CHRNG: variants seen among roughly 807,000 people sequenced by gnomAD.
CHRNG encodes cholinergic receptor nicotinic gamma subunit, also known as acetylcholine receptor subunit gamma.
In CHRNG, 72 loss-of-function variants were observed where a neutral mutation model predicts 65.2. That is an observed-to-expected ratio of 1.10 (90% CI 0.91 to 1.34). The LOEUF (loss-of-function observed/expected upper bound fraction) is 1.34, where lower values mean the gene tolerates loss of function less well. Among genes scored for constraint, CHRNG ranks in the 40% most tolerant of loss-of-function variants. CHRNG has a pLI of 0.00. For synonymous variants in CHRNG, 284 were observed against 290.2 expected (o/e 0.98, Z 0.22); for missense variants, 637 against 680.1 (o/e 0.94, Z 0.70).
Position 232,543,642 on chromosome 2 carries a change from G to A in CHRNG, c.978G>A (p.Val326=). 6.2e-7 allele frequency: 1 copy of A among 1,613,960 alleles called. No individual in the cohort carries two copies. Among genetic ancestry groups the A allele is most frequent in the Non-Finnish European group, 8.5e-7 (1 of 1,179,900 alleles). Reference sequence around the variant, plus strand: ...TCATTGTCGTGAATGCTGTGGTTGTGCTCAATGTCTCCTTGCGGTCTCCAC... The same window carrying A: ...TCATTGTCGTGAATGCTGTGGTTGTACTCAATGTCTCCTTGCGGTCTCCAC... ...TILIVVNAVV[V]LNVSLRSPHT... The change falls in exon 9 of 12, where the codon GTG becomes GTA. Residue 326 remains valine, a synonymous_variant. Transcript: ENST00000651502.
chr2:232,543,046 TC>T lies in CHRNG; in HGVS notation c.770del (p.Ser257LeufsTer53). On this transcript the variant is annotated frameshift_variant, in exon 7 of 12. Transcript: ENST00000651502. LOFTEE classifies it high-confidence loss of function. ...CATCGCCCCCTGTGTGCTCATCTCC[TC>T]TGTCGCCATCCTCATCCACTTCCTT... ...NIIAPCVLIS[S>X]VAILIHFLPA... The T allele has an allele frequency of 1.9e-6, 3 of 1,614,226 alleles. No individual in the cohort carries two copies. Among genetic ancestry groups the T allele is most frequent in the Non-Finnish European group, 2.5e-6 (3 of 1,180,030 alleles).
rs371835418 is a variant in CHRNG, at chr2:232,539,777, C to T, written c.30C>T (p.Leu10=). 2.5e-6 allele frequency: 4 copies of T among 1,613,778 alleles called. No individual in the cohort carries two copies. The highest frequency in any genetic ancestry group is 3.4e-6 in the Non-Finnish European group (4 of 1,179,986). The change falls in exon 1 of 12, where the codon CTC becomes CTT. Residue 10 remains leucine, a synonymous_variant. Transcript: ENST00000651502. MHGGQGPLL[L]LLLLAVCLGA... ...ATGGGGGCCAGGGGCCGCTGCTCCT[C>T]CTGCTGCTGCTGGCTGTCTGCCTGG...
chr2:232,540,703 G>A lies in CHRNG; in HGVS notation c.342G>A (p.Leu114=). 1.2e-6 allele frequency: 2 copies of A among 1,611,264 alleles called. No homozygotes were observed. The highest frequency in any genetic ancestry group is 1.7e-6 in the Non-Finnish European group (2 of 1,179,600). ...STMVWRPDIV[L]ENNVDGVFEV... ...TGGTGTGGCGGCCGGATATCGTGCT[G>A]GAGAACAAGTGAGGAGGGGGTGCAG... The change falls in exon 4 of 12, where the codon CTG becomes CTA. Residue 114 remains leucine, a synonymous_variant. Transcript: ENST00000651502. The surrounding 1 kb of genome is among the most constrained non-coding windows in gnomAD (Gnocchi z 4.2).
In CHRNG at chr2:232,545,739, T is replaced by A. The variant is rs1459650566; in HGVS notation, c.*23T>A. 6.2e-7 allele frequency: 1 copy of A among 1,613,248 alleles called. No individual in the cohort carries two copies. Among genetic ancestry groups the A allele is most frequent in the East Asian group, 2.2e-5 (1 of 44,892 alleles). On this transcript the variant is annotated 3_prime_UTR_variant, in exon 12 of 12. Transcript: ENST00000651502. ...TGAGCCAACCAACCACTGTGGGGCA[T>A]GTGGGAGTCACACACGTGGGTCACA...
Position 232,547,049 on chromosome 2 carries a change from C to A in CHRNG, c.*1333C>A, listed in dbSNP as rs1692145624. Among the ~76,000 whole-genome samples, 1 of 152,150 alleles carries A rather than the reference C, an allele frequency of 6.6e-6. No individual in the cohort carries two copies. The highest frequency in any genetic ancestry group is 1.5e-5 in the Non-Finnish European group (1 of 68,034). On this transcript the variant is annotated 3_prime_UTR_variant, in exon 12 of 12. Coordinates refer to ENST00000651502, the MANE Select transcript of CHRNG (RefSeq NM_005199.5). ...GAGTTTGGCTGGTAACCAGGGGACA[C>A]CCTTGGGCAAGTCACCTATGCTCCC...
chr2:232,541,488 C>T lies in CHRNG; in HGVS notation c.465C>T (p.Thr155=). ...IFRSACSISV[T]YFPFDWQNCS... is the part of the protein sequence containing the mutation. Reference sequence around the variant, plus strand: ...GTTCCGCCTGCTCTATCTCAGTCACCTACTTCCCCTTCGACTGGCAGAACT... The same window carrying T: ...GTTCCGCCTGCTCTATCTCAGTCACTTACTTCCCCTTCGACTGGCAGAACT... The change falls in exon 5 of 12, where the codon ACC becomes ACT. Residue 155 remains threonine, a synonymous_variant. Coordinates refer to ENST00000651502, the MANE Select transcript of CHRNG (RefSeq NM_005199.5). The surrounding 1 kb of genome is among the most constrained non-coding windows in gnomAD (Gnocchi z 4.0). 6.2e-7 allele frequency: 1 copy of T among 1,614,162 alleles called. No homozygotes were observed. Among genetic ancestry groups the T allele is most frequent in the Non-Finnish European group, 8.5e-7 (1 of 1,180,000 alleles).
At position 232,546,693 on chromosome 2, in the gene CHRNG, C is replaced by A. The variant is rs116247414; in HGVS notation, c.*977C>A. Among the ~76,000 whole-genome samples, 6 of 152,186 alleles carry A rather than the reference C, an allele frequency of 3.9e-5. 1 individual carries two copies. Among genetic ancestry groups the A allele is most frequent in the Middle Eastern group, 6.8e-3 (2 of 294 alleles). On this transcript the variant is annotated 3_prime_UTR_variant, in exon 12 of 12. Transcript: ENST00000651502. The stretch of plus-strand genomic sequence containing the variant: ...ATGGATAAGCAAGAGTCATTATTCC[C>A]CATGTTATATAGGCAAATTGAGCCT...
rs1692150340 is a variant in CHRNG, at chr2:232,547,304, G to C, written c.*1588G>C. On this transcript the variant is annotated 3_prime_UTR_variant, in exon 12 of 12. Coordinates refer to ENST00000651502, the MANE Select transcript of CHRNG (RefSeq NM_005199.5). Reference sequence around the variant, plus strand: ...GTGGTGATGCATGCCTGTAGTCCCAGTTACTCGGGAGGCTGAGGTGGGAGG... The same window carrying C: ...GTGGTGATGCATGCCTGTAGTCCCACTTACTCGGGAGGCTGAGGTGGGAGG... Among the ~76,000 whole-genome samples the C allele has an allele frequency of 6.6e-6, 1 of 152,172 alleles. No homozygotes were observed. Among genetic ancestry groups the C allele is most frequent in the Non-Finnish European group, 1.5e-5 (1 of 68,032 alleles).
chr2:232,540,200 G>T lies in CHRNG; in HGVS notation c.195+69G>T. 1 of 1,613,052 alleles carries T rather than the reference G, an allele frequency of 6.2e-7. No homozygotes were observed. The highest frequency in any genetic ancestry group is 1.6e-4 in the Middle Eastern group (1 of 6,062). ...GACCTGCTGGGGATAGCATGGGGTG[G>T]CTCCAGCCACCAAGAGGTTGGAGGG... On this transcript the variant is annotated intron_variant, in intron 2 of 11. Coordinates refer to ENST00000651502, the MANE Select transcript of CHRNG (RefSeq NM_005199.5). The surrounding 1 kb of genome is among the most constrained non-coding windows in gnomAD (Gnocchi z 4.2).
intron 7 of CHRNG, 25 bp downstream of exon 7, chr2:232,543,107 C>T: frequency 6.2e-7 from 1 of 1,607,776 alleles, no homozygotes; most frequent in Non-Finnish European, 8.5e-7. Flanking sequence ...TGGGAAGGAG[C>T]CATCCAGTAG....
In CHRNG at chr2:232,540,086, GGTC is replaced by G; in HGVS notation, c.151_153del (p.Val51del). The G allele has an allele frequency of 6.2e-7, 1 of 1,614,208 alleles. No homozygotes were observed. Among genetic ancestry groups the G allele is most frequent in the South Asian group, 1.1e-5 (1 of 91,082 alleles). ...GGCCCGCGGAACGAGACTCGGATGT[GGTC>G]AATGTCAGCCTGAAGCTAACCCTCA... On this transcript the variant is annotated inframe_deletion, in exon 2 of 12. Coordinates refer to ENST00000651502, the MANE Select transcript of CHRNG (RefSeq NM_005199.5). This position sits in a 1 kb window ranked among gnomAD's most constrained non-coding sequence, Gnocchi z 4.2.
Position 232,541,966 on chromosome 2 carries a change from T to A in CHRNG, c.506+437T>A. 2 of 325,692 alleles carry A rather than the reference T, an allele frequency of 6.1e-6. No homozygotes were observed. Among genetic ancestry groups the A allele is most frequent in the Non-Finnish European group, 1.2e-5 (2 of 170,802 alleles). The allele number at this position is 325,692 out of a possible 1,614,324, so 20.2% of individuals were successfully genotyped here. ...CAAGCCACCCCTGGGGGTCTCTGGG[T>A]CTGTTTCCTCAAACCTAAGTGTGGG... On this transcript the variant is annotated intron_variant, in intron 5 of 11. Transcript: ENST00000651502. The surrounding 1 kb of genome is among the most constrained non-coding windows in gnomAD (Gnocchi z 4.0).
In CHRNG at chr2:232,544,852, G is replaced by A. The variant is rs1692094877; in HGVS notation, c.1330G>A (p.Ala444Thr). The change falls in exon 11 of 12, where the codon GCC (alanine) becomes ACC (threonine). Residue 444 changes from alanine (A) to threonine (T), a missense_variant. By Grantham distance (58) the Ala-to-Thr change is moderately conservative. Transcript: ENST00000651502. ...AAPAIQACVE[A>T]CNLIACARHQ... The stretch of plus-strand genomic sequence containing the variant: ...CCCAGCCATCCAGGCCTGTGTGGAA[G>A]CCTGCAACCTCATTGCCTGTGCCCG... The A allele has an allele frequency of 6.2e-7, 1 of 1,613,906 alleles. No individual in the cohort carries two copies. Among genetic ancestry groups the A allele is most frequent in the African/African-American group, 1.3e-5 (1 of 74,922 alleles).
chr2:232,546,255 T>A lies in CHRNG; in HGVS notation c.*539T>A, dbSNP rs1160448349. 6.4e-6 allele frequency: 1 copy of A among 156,964 alleles called. No homozygotes were observed. The highest frequency in any genetic ancestry group is 1.4e-5 in the Non-Finnish European group (1 of 70,904). The allele number at this position is 156,964 out of a possible 1,614,324, so 9.7% of individuals were successfully genotyped here. On this transcript the variant is annotated 3_prime_UTR_variant, in exon 12 of 12. Coordinates refer to ENST00000651502, the MANE Select transcript of CHRNG (RefSeq NM_005199.5). ...ACAGCCCCAGTGGCCTTTCCATTCA[T>A]GTGCATTTTTCTGCCACTGACCACA...
Position 232,540,228 on chromosome 2 carries a change from C to G in CHRNG, c.195+97C>G, listed in dbSNP as rs1691988434. On this transcript the variant is annotated intron_variant, in intron 2 of 11. Transcript: ENST00000651502. The surrounding 1 kb of genome is among the most constrained non-coding windows in gnomAD (Gnocchi z 4.2). ...CCAGCCACCAAGAGGTTGGAGGGCC[C>G]TAAATCGGACAGGCTGGGGTCTGGA... is the stretch of plus-strand genomic sequence containing the variant. The G allele has an allele frequency of 6.2e-7, 1 of 1,606,944 alleles. No individual in the cohort carries two copies. The highest frequency in any genetic ancestry group is 1.1e-5 in the South Asian group (1 of 90,758).
At position 232,546,037 on chromosome 2, in the gene CHRNG, G is replaced by A. The variant is rs1025460346; in HGVS notation, c.*321G>A. ...CATTATTCATTCCCATCAGTCTGAA[G>A]CCCGAAGGACTGTTTTGTATAATAC... is the stretch of plus-strand genomic sequence containing the variant. On this transcript the variant is annotated 3_prime_UTR_variant, in exon 12 of 12. Coordinates refer to ENST00000651502, the MANE Select transcript of CHRNG (RefSeq NM_005199.5). 1 of 457,254 alleles carries A rather than the reference G, an allele frequency of 2.2e-6. No individual in the cohort carries two copies. Among genetic ancestry groups the A allele is most frequent in the African/African-American group, 2.0e-5 (1 of 50,320 alleles). 28.3% of individuals were successfully genotyped at this position (457,254 alleles called of 1,614,324 possible).
intron 9 of CHRNG, 112 bp downstream of exon 9, chr2:232,543,811 G>A (rs1277767530): frequency 4.1e-6 from 3 of 738,334 alleles, no homozygotes; most frequent in Admixed American, 4.0e-5. Flanking sequence ...CCCATCCTGG[G>A]CGTATCTGGA....
At chr2:232,545,004 G>C (rs966442958) in intron 11 of CHRNG, 102 bp downstream of exon 11, 19 of 1,484,002 alleles carry the variant, frequency 1.3e-5, no homozygotes, top group Non-Finnish European at 1.6e-5. Context: ...CAGTGGGATG[G>C]AAAAACATGA....
chr2:232,540,825 CCTGTGGGG>C lies in CHRNG; in HGVS notation c.350+117_350+124del, dbSNP rs1692000379. On this transcript the variant is annotated intron_variant, in intron 4 of 11. Transcript: ENST00000651502. The surrounding 1 kb of genome is among the most constrained non-coding windows in gnomAD (Gnocchi z 4.2). ...ATGAGCAGAGGGTGCAAATCGGGCA[CCTGTGGGG>C]CTAGGGAAGAACTGGATGGAGCAGG... The C allele has an allele frequency of 1.0e-6, 1 of 983,562 alleles. No homozygotes were observed. Among genetic ancestry groups the C allele is most frequent in the Non-Finnish European group, 1.5e-6 (1 of 647,068 alleles). The allele number at this position is 983,562 out of a possible 1,614,324, so 60.9% of individuals were successfully genotyped here. A position where few individuals can be genotyped will look rare whatever the true frequency, so the allele number is the denominator to read the frequency against.
Sources: gnomAD v4.1 joint callset for allele counts (sites outside exome capture counted in the v4.1 genomes callset) on GRCh38, gnomAD v4.1.1 for gene constraint, Gnocchi (gnomAD v3.1) non-coding constraint, MANE v1.5 for transcripts, NCBI Gene and HGNC (gene_info 2026-07-23, HGNC 2026-07-21) for gene names.